The following OPHN1 variants were observed in gnomAD, a reference collection of about 807,000 sequenced individuals.
OPHN1 encodes the protein oligophrenin-1.
OPHN1 carries 11 observed loss-of-function variants against 60.7 expected under a neutral mutation model. The observed-to-expected ratio is 0.18, with a 90% CI of 0.11 to 0.30. The LOEUF (loss-of-function observed/expected upper bound fraction) is 0.30. Ranked by LOEUF, OPHN1 falls within the 10% of genes least tolerant of loss-of-function variation. The probability of loss-of-function intolerance (pLI) is 1.00; values close to 1 mark genes in which losing one functional copy is unlikely to be tolerated. For synonymous variants in OPHN1, 226 were observed against 222.6 expected (o/e 1.02, Z -0.14); for missense variants, 449 against 611.0 (o/e 0.73, Z 2.80).
chrX:68,241,597 A>G (rs1201929461), intron 5 of OPHN1, among the ~76,000 whole-genome samples: 3 of 111,895 alleles, frequency 2.7e-5, no homozygotes, highest in Non-Finnish European at 5.6e-5. Context: ...AAGGTCTAGT[A>G]TGCAAAACAT....
chrX:68,189,255 T>A (rs1009252420), intron 15 of OPHN1, among the ~76,000 whole-genome samples: 2 of 112,270 alleles, frequency 1.8e-5, no homozygotes, highest in Admixed American at 9.4e-5. Flanking sequence ...AACATGATTA[T>A]TAAGACTATA....
At chrX:68,312,834 G>A (rs67544929) in intron 2 of OPHN1, among the ~76,000 whole-genome samples, 25,263 of 110,542 alleles carry the variant, frequency 0.23, 2,810 homozygotes, top group African/African-American at 0.44. Context: ...GACCGAGCAC[G>A]GTGGCTCATG....
At position 68,210,839 on chromosome X, in the gene OPHN1, C is replaced by A. The variant is rs369359332; in HGVS notation, c.703-557G>T. Among the ~76,000 whole-genome samples the A allele has an allele frequency of 2.7e-5, 3 of 111,846 alleles. No individual in the cohort carries two copies. The East Asian group carries it at 8.4e-4, about 31-fold the overall frequency. Reference sequence around the variant, plus strand: ...TATTTAAATCTACACAACTAAAACACAATGGTAAGACATGTGTTGAAATGT... The same window carrying A: ...TATTTAAATCTACACAACTAAAACAAAATGGTAAGACATGTGTTGAAATGT... On this transcript the variant is annotated intron_variant, in intron 8 of 24. Transcript: ENST00000355520.
rs772149667 is a variant in OPHN1 at position 68,200,728 on chromosome X, G to T, written c.1025+891C>A. Reference sequence around the variant, plus strand: ...TTTTTAAAAATGCCCTCATCATTTAGTCTGATTGTTATGATCCCAGTCACT... The same window carrying T: ...TTTTTAAAAATGCCCTCATCATTTATTCTGATTGTTATGATCCCAGTCACT... On this transcript the variant is annotated intron_variant, in intron 11 of 24. Coordinates refer to ENST00000355520, the MANE Select transcript of OPHN1 (RefSeq NM_002547.3). Among the ~76,000 whole-genome samples, 10 of 111,934 alleles carry T rather than the reference G, an allele frequency of 8.9e-5. No individual in the cohort carries two copies. In the South Asian group the frequency reaches 2.6e-3, roughly 29 times the overall value.
chrX:68,357,551 C>T (rs1033200800), intron 2 of OPHN1, among the ~76,000 whole-genome samples: 1 of 110,449 alleles, frequency 9.1e-6, no homozygotes, highest in Non-Finnish European at 1.9e-5. Context: ...TGGTTTCCAG[C>T]TTCATCCATG....
chrX:68,227,658 T>G (rs2077702519), intron 6 of OPHN1, among the ~76,000 whole-genome samples: 1 of 111,192 alleles, frequency 9.0e-6, no homozygotes, highest in Non-Finnish European at 1.9e-5. Flanking sequence ...GAATGACTAC[T>G]GGGTATATAA....
At chrX:68,416,055 TATATATATATATAGAG>T (rs1420536017) in intron 2 of OPHN1, among the ~76,000 whole-genome samples, 87 of 8,754 alleles carry the variant, frequency 9.9e-3, no homozygotes, top group Middle Eastern at 0.12. Context: ...TATATATATA[TATATATATATATAGAG>T]AGAGAGAGAG....
At chrX:68,116,392 G>C (rs192052947) in intron 16 of OPHN1, among the ~76,000 whole-genome samples, 4 of 111,865 alleles carry the variant, frequency 3.6e-5, no homozygotes, top group African/African-American at 1.3e-4. Flanking sequence ...TGGAAAGTAA[G>C]TCATGATATA....
At chrX:68,229,083 T>C (rs144454296) in intron 6 of OPHN1, among the ~76,000 whole-genome samples, 66,164 of 110,177 alleles carry the variant, frequency 0.6, 17,279 homozygotes, top group East Asian at 0.87. Flanking sequence ...ACAAAATCAA[T>C]GTGCAAAAGT....
intron 2 of OPHN1, among the ~76,000 whole-genome samples, chrX:68,304,003 T>C (rs929603752): frequency 2.7e-5 from 3 of 111,634 alleles, no homozygotes; most frequent in Non-Finnish European, 5.6e-5. Flanking sequence ...AAGTTCCACT[T>C]TCTATTGCAA....
In OPHN1 at chrX:68,309,512, A is replaced by G. The variant is rs765679252; in HGVS notation, c.155-10416T>C. 6.2e-5 allele frequency among the ~76,000 whole-genome samples: 7 copies of G among 112,201 alleles called. No individual in the cohort carries two copies. In the South Asian group the frequency reaches 2.6e-3, roughly 42 times the overall value. ...CAGAGAGCAGCAGCTGAGGCAGTAG[A>G]GAGATTAGAACTAGATATACTCAGT... is the stretch of plus-strand genomic sequence containing the variant. On this transcript the variant is annotated intron_variant, in intron 2 of 24. Coordinates refer to ENST00000355520, the MANE Select transcript of OPHN1 (RefSeq NM_002547.3).
intron 4 of OPHN1, among the ~76,000 whole-genome samples, chrX:68,278,904 AAT>A (rs1491500259): frequency 9.1e-6 from 1 of 109,404 alleles, no homozygotes; most frequent in Non-Finnish European, 1.9e-5. Flanking sequence ...AAATAAAAAA[AAT>A]TTTTTTTTAA....
chrX:68,179,617 C>T (rs1030088470), intron 15 of OPHN1, among the ~76,000 whole-genome samples: 1 of 111,584 alleles, frequency 9.0e-6, no homozygotes, highest in Admixed American at 9.6e-5. Flanking sequence ...AGCAAGTATC[C>T]TATCAAGTCA....
intron 2 of OPHN1, among the ~76,000 whole-genome samples, chrX:68,380,107 G>A (rs1251006701): frequency 9.0e-6 from 1 of 111,279 alleles, no homozygotes; most frequent in East Asian, 2.8e-4. Context: ...ATTTCAGAGA[G>A]CCTGTTACTG....
intron 6 of OPHN1, among the ~76,000 whole-genome samples, chrX:68,228,054 C>A: frequency 9.0e-6 from 1 of 111,293 alleles, no homozygotes; most frequent in Admixed American, 9.5e-5. Context: ...CAAATAGTTG[C>A]AATAAAAAAT....
In OPHN1 at chrX:68,432,876, C is replaced by T. The variant is rs775377990; in HGVS notation, c.145G>A (p.Ala49Thr). The T allele has an allele frequency of 7.4e-6, 9 of 1,210,434 alleles. No individual in the cohort carries two copies. In the Admixed American group the frequency reaches 1.3e-4, roughly 18 times the overall value. The stretch of plus-strand genomic sequence containing the variant: ...GAAGCCTTGCACTTACTTCTCATAG[C>T]GCTGATAAGCGCGTTGCCGTCTTTG... The part of the protein sequence containing the change: ...VIKDGNALIS[A>T]MRNYSSAVQK... Residue 49 changes from alanine (A) to threonine (T), a missense_variant, in exon 2 of 25, where the codon GCT (alanine) becomes ACT (threonine). Ala to Thr is a moderately conservative substitution (Grantham distance 58). Around this residue, in one of 4 missense-constraint regions of OPHN1, gnomAD observed 99 missense variants for 155.2 expected, o/e 0.64. Transcript: ENST00000355520.
At chrX:68,134,272 G>A (rs1255820430) in intron 15 of OPHN1, among the ~76,000 whole-genome samples, 2 of 111,731 alleles carry the variant, frequency 1.8e-5, no homozygotes, top group Non-Finnish European at 3.8e-5. Flanking sequence ...TTGCAACAGT[G>A]GATTGTTTTT....
intron 15 of OPHN1, among the ~76,000 whole-genome samples, chrX:68,180,334 T>C (rs2077431295): frequency 8.9e-6 from 1 of 112,084 alleles, no homozygotes; most frequent in African/African-American, 3.2e-5. Flanking sequence ...GAACACATTT[T>C]AATGCTTAAA....
At chrX:68,313,036 C>T (rs1306646201) in intron 2 of OPHN1, among the ~76,000 whole-genome samples, 1 of 110,516 alleles carries the variant, frequency 9.0e-6, no homozygotes, top group Non-Finnish European at 1.9e-5. Context: ...CCCAGGAGCT[C>T]GATGTTGCAG....
Sources: gnomAD v4.1 joint callset for allele counts (sites outside exome capture counted in the v4.1 genomes callset) on GRCh38, gnomAD v4.1.1 for gene constraint, gnomAD v4.1.1 regional missense constraint, MANE v1.5 for transcripts, NCBI Gene and HGNC (gene_info 2026-07-23, HGNC 2026-07-21) for gene names.